The following FREM1 variants were observed in gnomAD, a reference collection of about 807,000 sequenced individuals.
FREM1 encodes FRAS1-related extracellular matrix protein 1.
In FREM1, 220 loss-of-function variants were observed where a neutral mutation model predicts 210.1. The observed-to-expected ratio is 1.05, with a 90% CI of 0.94 to 1.17. The LOEUF (loss-of-function observed/expected upper bound fraction) is 1.17. FREM1 is among the 50% of genes most tolerant of loss of function. FREM1 has a pLI of 0.00. For synonymous variants in FREM1, 1,189 were observed against 980.2 expected, an observed-to-expected ratio of 1.21 and a Z score of -3.98; for missense variants, 3,454 against 2,675.5, an observed-to-expected ratio of 1.29 and a Z score of -6.42.
At chr9:14,856,997 A>C (rs1828879574) in intron 5 of FREM1, among the ~76,000 whole-genome samples, 1 of 152,184 alleles carries the variant, frequency 6.6e-6, no homozygotes, top group South Asian at 2.1e-4. Context: ...TATAGAGATC[A>C]ATAGGAGAAA....
chr9:14,750,083 C>CG, intron 30 of FREM1, 44 bp downstream of exon 30: 1 of 1,605,126 alleles, frequency 6.2e-7, no homozygotes. Context: ...AGAGCTACAG[C>CG]GCCAGGACCG....
Position 14,747,982 on chromosome 9 carries a change from A to C in FREM1, c.5797-254T>G, listed in dbSNP as rs1312845509. ...TACATCTTTATTTTTTGGTATATCT[A>C]TAGTACACAGGTCCAAGAACACACA... On this transcript the variant is annotated intron_variant, in intron 31 of 36. Transcript: ENST00000380880. Among the ~76,000 whole-genome samples the C allele has an allele frequency of 2.0e-5, 3 of 152,304 alleles. No individual in the cohort carries two copies. In the East Asian group the frequency reaches 5.8e-4, roughly 29 times the overall value.
chr9:14,776,108 T>C lies in FREM1; in HGVS notation c.4538A>G (p.Lys1513Arg), dbSNP rs761715005. Residue 1513 changes from lysine to arginine, a missense_variant, in exon 25 of 37, where the codon AAG becomes AGG. Physicochemically the swap from Lys to Arg is conservative, Grantham distance 26. Transcript: ENST00000380880. Reference protein sequence around the residue: ...DRALPVVTRNKGLRLAQGAVG... With the variant: ...DRALPVVTRNRGLRLAQGAVG... The stretch of plus-strand genomic sequence containing the variant: ...GGCCCCTTGGGCCAGTCTCAACCCC[T>C]TGTTCCTGGTTACCACAGGCAGGGC... 2.5e-6 allele frequency: 4 copies of C among 1,602,138 alleles called. No individual in the cohort carries two copies. Among genetic ancestry groups the C allele is most frequent in the Admixed American group, 3.4e-5 (2 of 59,306 alleles).
In FREM1 at chr9:14,860,672, C is replaced by T. The variant is rs1336990878; in HGVS notation, c.330-1188G>A. On this transcript the variant is annotated intron_variant, in intron 3 of 36. Transcript: ENST00000380880. The stretch of plus-strand genomic sequence containing the variant: ...ATATATACACATATATACATATATA[C>T]ACACATATATACACATATATACACA... Among the ~76,000 whole-genome samples the T allele has an allele frequency of 3.6e-4, 43 of 118,246 alleles. 3 individuals carry two copies. The highest frequency in any genetic ancestry group is 1.5e-3 in the African/African-American group (38 of 25,844). The allele number at this position is 118,246 out of a possible 152,430, so 77.6% of individuals were successfully genotyped here.
chr9:14,763,887 G>A (rs1384005326), intron 27 of FREM1, among the ~76,000 whole-genome samples: 3 of 152,198 alleles, frequency 2.0e-5, no homozygotes, highest in African/African-American at 7.2e-5. Context: ...AAAACATGGT[G>A]AGTGCTCATT....
chr9:14,907,515 T>A (rs1817973843), intron 1 of FREM1, among the ~76,000 whole-genome samples: 1 of 152,144 alleles, frequency 6.6e-6, no homozygotes, highest in African/African-American at 2.4e-5. Flanking sequence ...CACCCAGCTC[T>A]CCAAAGGAGT....
chr9:14,789,148 G>T, intron 22 of FREM1, 34 bp from the exon 23 acceptor site: 3 of 1,460,902 alleles, frequency 2.1e-6, no homozygotes, highest in Non-Finnish European at 2.8e-6. Context: ...GCTGCTCATG[G>T]TTTTTTCTTT....
chr9:14,870,828 C>T (rs1832525296), intron 1 of FREM1, among the ~76,000 whole-genome samples: 1 of 140,144 alleles, frequency 7.1e-6, no homozygotes, highest in Non-Finnish European at 1.5e-5. Context: ...CAACAGTCCC[C>T]AGAGTGTGAT....
At chr9:14,795,691 T>C (rs1327242115) in intron 21 of FREM1, among the ~76,000 whole-genome samples, 1 of 152,138 alleles carries the variant, frequency 6.6e-6, no homozygotes, top group East Asian at 1.9e-4. Context: ...TGGAGTTGAG[T>C]GGGTGCCTAG....
At chr9:14,781,757 G>A (rs1563915482) in intron 24 of FREM1, among the ~76,000 whole-genome samples, 1 of 152,158 alleles carries the variant, frequency 6.6e-6, no homozygotes, top group African/African-American at 2.4e-5. Context: ...AGGCTGGAGT[G>A]TAGTGGCACC....
chr9:14,860,701 A>G (rs1460936512), intron 3 of FREM1, among the ~76,000 whole-genome samples: 1 of 100,218 alleles, frequency 1.0e-5, no homozygotes, highest in African/African-American at 5.0e-5. Context: ...ATACACACAT[A>G]TATACACACA....
intron 15 of FREM1, among the ~76,000 whole-genome samples, chr9:14,815,368 T>G (rs1157486782): frequency 1.3e-5 from 2 of 152,220 alleles, no homozygotes; most frequent in East Asian, 3.8e-4. Flanking sequence ...ATTATAGATG[T>G]GAACATCCTT....
In FREM1 at chr9:14,909,163, A is replaced by G. The variant is rs374426608; in HGVS notation, c.-268+751T>C. Among the ~76,000 whole-genome samples the G allele has an allele frequency of 2.1e-4, 32 of 152,326 alleles. No homozygotes were observed. In the East Asian group the frequency reaches 3.3e-3, roughly 16 times the overall value. ...GCTCTTTTTAAGCTTTGTAATGCACACCAAGCAACAAGACTGGGTGCAATA... is the reference window on the plus strand; with the variant it reads ...GCTCTTTTTAAGCTTTGTAATGCACGCCAAGCAACAAGACTGGGTGCAATA... On this transcript the variant is annotated intron_variant, in intron 1 of 36. Coordinates refer to ENST00000380880, the MANE Select transcript of FREM1 (RefSeq NM_001379081.2).
chr9:14,771,076 G>C lies in FREM1; in HGVS notation c.4858-270C>G, dbSNP rs185353628. ...GACTGCCACTTAGGATACAAGTTCCGAGAGGGCAGGCGTCAGGTCTTTCAC... is the reference window on the plus strand; with the variant it reads ...GACTGCCACTTAGGATACAAGTTCCCAGAGGGCAGGCGTCAGGTCTTTCAC... On this transcript the variant is annotated intron_variant, in intron 25 of 36. Transcript: ENST00000380880. Among the ~76,000 whole-genome samples, 4 of 152,172 alleles carry C rather than the reference G, an allele frequency of 2.6e-5. No homozygotes were observed. The East Asian group carries it at 7.8e-4, about 30-fold the overall frequency.
intron 27 of FREM1, among the ~76,000 whole-genome samples, chr9:14,767,888 A>G (rs1318886784): frequency 1.3e-5 from 2 of 152,162 alleles, no homozygotes; most frequent in Non-Finnish European, 2.9e-5. Context: ...TCAGTCATGA[A>G]CAAATGAACA....
chr9:14,877,014 A>G, intron 1 of FREM1, among the ~76,000 whole-genome samples: 1 of 152,132 alleles, frequency 6.6e-6, no homozygotes, highest in Non-Finnish European at 1.5e-5. Context: ...TGGAGGCTGC[A>G]AGGACTCCAC....
At chr9:14,814,981 C>T (rs1403717339) in intron 15 of FREM1, among the ~76,000 whole-genome samples, 2 of 152,184 alleles carry the variant, frequency 1.3e-5, no homozygotes, top group Non-Finnish European at 2.9e-5. Flanking sequence ...AAAAGTAACT[C>T]AGAAAGTTTT....
chr9:14,755,369 C>A (rs1489526685), intron 29 of FREM1, among the ~76,000 whole-genome samples: 1 of 152,216 alleles, frequency 6.6e-6, no homozygotes, highest in African/African-American at 2.4e-5. Context: ...GAGTTAGTGG[C>A]AGATGATGTC....
At chr9:14,857,889 G>C (rs751823315) in intron 4 of FREM1, 140 bp from the exon 5 acceptor site, 2 of 531,190 alleles carry the variant, frequency 3.8e-6, no homozygotes, top group Non-Finnish European at 6.3e-6. Flanking sequence ...CATTCACTGA[G>C]TGGGTTGTCA....
Sources: allele counts gnomAD v4.1 joint callset (sites outside exome capture counted in the v4.1 genomes callset), GRCh38; gene constraint gnomAD v4.1.1; transcripts MANE v1.5; gene names NCBI Gene and HGNC (gene_info 2026-07-23, HGNC 2026-07-21).